Variants in GAB1 observed in about 807,000 individuals in gnomAD.
The protein encoded by GAB1 is GRB2-associated-binding protein 1.
GAB1 carries 19 observed loss-of-function variants against 66.5 expected under a neutral mutation model. The ratio of observed to expected loss-of-function variants is 0.29; its 90% confidence interval spans 0.20 to 0.42. GAB1 has a LOEUF of 0.42. Among genes scored for constraint, GAB1 ranks in the 10% least tolerant of loss-of-function variants. GAB1 has a pLI of 1.00. For missense variants in GAB1, 732 were observed against 858.5 expected, an observed-to-expected ratio of 0.85 and a Z score of 1.84; for synonymous variants, 294 against 301.4, an observed-to-expected ratio of 0.98 and a Z score of 0.25.
At chr4:143,439,994 C>G in intron 5 of GAB1, 85 bp from the exon 6 acceptor site, 2 of 1,403,914 alleles carry the variant, frequency 1.4e-6, no homozygotes, top group Non-Finnish European at 2.0e-6. Context: ...ACGCTGAGAT[C>G]CATATGAATG....
In GAB1 at chr4:143,438,502, C is replaced by T. The variant is rs775642582; in HGVS notation, c.1097C>T (p.Ala366Val). 9.9e-6 allele frequency: 16 copies of T among 1,613,992 alleles called. No homozygotes were observed. In the Admixed American group the frequency reaches 2.5e-4, roughly 25 times the overall value. The change falls in exon 4 of 10, where the codon GCC (alanine) becomes GTC (valine). Residue 366 changes from alanine (A) to valine (V), a missense_variant. This residue lies in a region of GAB1 where 427 missense variants were observed against 420.6 expected (regional missense o/e 1.02). Coordinates refer to ENST00000262994, the MANE Select transcript of GAB1 (RefSeq NM_002039.4). ...PVETCSIPRT[A>V]SDTDSSYCIP... ...GAAACGTGTAGTATCCCACGCACCG[C>T]CTCAGACACTGACAGTAGTTACTGT...
At chr4:143,422,392 G>T (rs530928392) in intron 2 of GAB1, among the ~76,000 whole-genome samples, 1 of 152,038 alleles carries the variant, frequency 6.6e-6, no homozygotes, top group African/African-American at 2.4e-5. Flanking sequence ...AATGTATTTG[G>T]TCTCCTGAAA....
At chr4:143,339,685 A>G (rs1728765460) in intron 1 of GAB1, among the ~76,000 whole-genome samples, 1 of 152,206 alleles carries the variant, frequency 6.6e-6, no homozygotes, top group African/African-American at 2.4e-5. Flanking sequence ...ACCACGAGAC[A>G]AGTATATGTG....
At chr4:143,393,321 A>G (rs1037558356) in intron 1 of GAB1, among the ~76,000 whole-genome samples, 2 of 152,088 alleles carry the variant, frequency 1.3e-5, no homozygotes, top group South Asian at 4.1e-4. Context: ...GCCCTTTACA[A>G]AAAGGTTTGC....
intron 1 of GAB1, among the ~76,000 whole-genome samples, chr4:143,372,536 TCA>T (rs1311323972): frequency 2.2e-5 from 3 of 134,316 alleles, no homozygotes; most frequent in Non-Finnish European, 5.0e-5. Context: ...TTAACCATGG[TCA>T]CAAGAGAAAA....
At chr4:143,433,346 C>A in intron 2 of GAB1, 145 bp from the exon 3 acceptor site, 1 of 638,318 alleles carries the variant, frequency 1.6e-6, no homozygotes, top group Non-Finnish European at 2.8e-6. Flanking sequence ...ATAAAGGTCG[C>A]CATTTAGATA....
At chr4:143,400,695 C>T (rs1388716957) in intron 1 of GAB1, among the ~76,000 whole-genome samples, 2 of 152,148 alleles carry the variant, frequency 1.3e-5, no homozygotes, top group Admixed American at 1.3e-4. Context: ...TGGCTGGGCG[C>T]GATGGCTCAC....
chr4:143,365,508 A>T (rs1482899830), intron 1 of GAB1, among the ~76,000 whole-genome samples: 1 of 152,068 alleles, frequency 6.6e-6, no homozygotes, highest in Non-Finnish European at 1.5e-5. Context: ...TGAAAGGGGG[A>T]TTGGGGGAGT....
At chr4:143,448,590 T>C (rs372425132) in intron 6 of GAB1, among the ~76,000 whole-genome samples, 4 of 151,916 alleles carry the variant, frequency 2.6e-5, no homozygotes, top group African/African-American at 9.7e-5. Flanking sequence ...GAGGTGTTTG[T>C]AGTATTCTCT....
chr4:143,355,396 C>T (rs796156764), intron 1 of GAB1, among the ~76,000 whole-genome samples: 14 of 151,370 alleles, frequency 9.2e-5, no homozygotes, highest in African/African-American at 3.4e-4. Context: ...CCAATTGCTG[C>T]CTTTTTAATT....
intron 1 of GAB1, among the ~76,000 whole-genome samples, chr4:143,383,844 G>A (rs1313707858): frequency 6.6e-6 from 1 of 152,186 alleles, no homozygotes; most frequent in African/African-American, 2.4e-5. Flanking sequence ...GGGGGCCGAG[G>A]TAGGAGGATC....
chr4:143,354,390 G>T lies in GAB1; in HGVS notation c.72+17130G>T, dbSNP rs28989203. ...GAATATTTATATTTTCTGAAAACAA[G>T]TGTAAATGCTCTTAGAGAGAAGCAT... is the stretch of plus-strand genomic sequence containing the variant. On this transcript the variant is annotated intron_variant, in intron 1 of 9. Coordinates refer to ENST00000262994, the MANE Select transcript of GAB1 (RefSeq NM_002039.4). 2.4e-3 allele frequency among the ~76,000 whole-genome samples: 365 copies of T among 152,020 alleles called. 4 individuals carry two copies. The East Asian group carries it at 0.059, about 24-fold the overall frequency.
intron 1 of GAB1, among the ~76,000 whole-genome samples, chr4:143,408,058 G>T (rs898819827): frequency 1.3e-5 from 2 of 151,886 alleles, no homozygotes; most frequent in Non-Finnish European, 2.9e-5. Flanking sequence ...TTGTTTGTTT[G>T]TTTAACCCCC....
intron 8 of GAB1, among the ~76,000 whole-genome samples, chr4:143,462,054 C>A (rs532820845): frequency 6.6e-6 from 1 of 152,196 alleles, no homozygotes; most frequent in African/African-American, 2.4e-5. Flanking sequence ...TAGTTCACAC[C>A]TAGCCTGGGC....
At chr4:143,337,712 C>T (rs547272763) in intron 1 of GAB1, among the ~76,000 whole-genome samples, 2 of 152,282 alleles carry the variant, frequency 1.3e-5, no homozygotes, top group East Asian at 1.9e-4. Flanking sequence ...TTGGTGGGCG[C>T]TCCCTCTCCT....
At chr4:143,463,837 G>A (rs1038551375) in intron 8 of GAB1, among the ~76,000 whole-genome samples, 13 of 152,130 alleles carry the variant, frequency 8.5e-5, no homozygotes, top group Admixed American at 5.9e-4. Flanking sequence ...CTTAAAGATG[G>A]AAAAACATTC....
intron 1 of GAB1, among the ~76,000 whole-genome samples, chr4:143,371,593 C>T (rs1187566744): frequency 1.3e-5 from 2 of 152,118 alleles, no homozygotes; most frequent in Non-Finnish European, 2.9e-5. Flanking sequence ...GTTGCCATTG[C>T]TTTTGGTGTT....
chr4:143,349,385 C>A, intron 1 of GAB1: 1 of 1,041,062 alleles, frequency 9.6e-7, no homozygotes, highest in Non-Finnish European at 1.5e-6. Context: ...AATACAGTCT[C>A]TTTCCAGAGG....
chr4:143,412,324 G>A (rs1192163600), intron 1 of GAB1, among the ~76,000 whole-genome samples: 1 of 152,138 alleles, frequency 6.6e-6, no homozygotes, highest in African/African-American at 2.4e-5. Context: ...ATTTTATTAT[G>A]TATATGTTCA....
Sources: allele counts gnomAD v4.1 joint callset (sites outside exome capture counted in the v4.1 genomes callset), GRCh38; gene constraint gnomAD v4.1.1; regional missense constraint gnomAD v4.1.1; transcripts MANE v1.5; gene names NCBI Gene and HGNC (gene_info 2026-07-23, HGNC 2026-07-21).